STAB2: variants seen among roughly 807,000 people sequenced by gnomAD.
The protein encoded by STAB2 is stabilin-2.
A neutral mutation model predicts 338.1 loss-of-function variants in STAB2; 288 were observed. The observed-to-expected ratio is 0.85, with a 90% CI of 0.77 to 0.94. STAB2 has a LOEUF of 0.94. STAB2 is among the 40% of genes least tolerant of loss of function. The pLI is 0.00. For synonymous variants in STAB2, 1,202 were observed against 1,193.3 expected, an observed-to-expected ratio of 1.01 and a Z score of -0.15; for missense variants, 3,141 against 3,210.1, an observed-to-expected ratio of 0.98 and a Z score of 0.52.
chr12:103,683,991 T>C (rs1196115619), intron 26 of STAB2, among the ~76,000 whole-genome samples: 2 of 152,094 alleles, frequency 1.3e-5, no homozygotes, highest in African/African-American at 2.4e-5. Context: ...AGGCAGGAAG[T>C]ATAGCTAGAC....
chr12:103,614,223 A>G (rs371879195), intron 3 of STAB2, among the ~76,000 whole-genome samples: 13 of 152,206 alleles, frequency 8.5e-5, no homozygotes, highest in African/African-American at 2.9e-4. Flanking sequence ...AAATTCTTGA[A>G]CTTTTTTCTG....
At chr12:103,760,922 A>G (rs1884487038) in intron 65 of STAB2, among the ~76,000 whole-genome samples, 1 of 152,192 alleles carries the variant, frequency 6.6e-6, no homozygotes, top group Non-Finnish European at 1.5e-5. Flanking sequence ...TCACACTGGG[A>G]CATCACTTAA....
chr12:103,731,316 C>A (rs1451067330), intron 49 of STAB2, among the ~76,000 whole-genome samples: 1 of 152,136 alleles, frequency 6.6e-6, no homozygotes. Context: ...AAGCTTTGCA[C>A]AAGTGCTTCT....
Position 103,620,481 on chromosome 12 carries a change from A to C in STAB2, c.345A>C (p.Gly115=). ...TTGATTCCCTAGAGTGCCCAGGTGG[A>C]GCGGGGTCACCCTGCAATGGCAGAG... ...WGPDCIECPG[G]AGSPCNGRGS... Residue 115 remains glycine (G), a synonymous_variant, in exon 4 of 69, where the codon GGA becomes GGC. Transcript: ENST00000388887. The C allele has an allele frequency of 6.3e-7, 1 of 1,583,228 alleles. No individual in the cohort carries two copies. The highest frequency in any genetic ancestry group is 1.7e-4 in the Middle Eastern group (1 of 6,020).
At chr12:103,655,677 G>A in intron 15 of STAB2, 96 bp downstream of exon 15, 1 of 1,482,042 alleles carries the variant, frequency 6.7e-7, no homozygotes, top group Non-Finnish European at 9.1e-7. Flanking sequence ...TAGTAAATAA[G>A]TTGTACATGT....
At chr12:103,620,624 AACAC>A (rs34881989) in intron 4 of STAB2, 71 bp downstream of exon 4, 13,603 of 824,550 alleles carry the variant, frequency 0.016, 122 homozygotes, top group African/African-American at 0.076. Flanking sequence ...ATCCTCCTTA[AACAC>A]ACACACACAC....
chr12:103,688,200 T>C lies in STAB2; in HGVS notation c.3030T>C (p.Phe1010=), dbSNP rs1877605043. The change falls in exon 28 of 69, where the codon TTT becomes TTC. Residue 1010 remains phenylalanine, a synonymous_variant. Coordinates refer to ENST00000388887, the MANE Select transcript of STAB2 (RefSeq NM_017564.10). ...ELSFLSEAAI[F]NRWINNASLQ... ...CATTTCTCTCCGAAGCAGCTATATT[T>C]AACCGATGGATAAATGTGAGTACCT... 6.2e-7 allele frequency: 1 copy of C among 1,613,924 alleles called. No individual in the cohort carries two copies.
At chr12:103,689,741 C>G (rs1345518045) in intron 28 of STAB2, 105 bp from the exon 29 acceptor site, 1 of 1,449,088 alleles carries the variant, frequency 6.9e-7, no homozygotes, top group Non-Finnish European at 9.3e-7. Flanking sequence ...ACCCTAGGAC[C>G]CTTCCAGTAT....
intron 11 of STAB2, among the ~76,000 whole-genome samples, chr12:103,651,515 T>C (rs1873742161): frequency 6.6e-6 from 1 of 152,128 alleles, no homozygotes; most frequent in South Asian, 2.1e-4. Flanking sequence ...GGTTTCATCA[T>C]GTTGACCAGG....
intron 19 of STAB2, among the ~76,000 whole-genome samples, chr12:103,667,202 T>C (rs541410136): frequency 1.3e-5 from 2 of 152,200 alleles, no homozygotes; most frequent in Non-Finnish European, 2.9e-5. Context: ...TAAAATTAAA[T>C]AGATGCAGGT....
rs1369173144 is a variant in STAB2 at position 103,762,287 on chromosome 12, C to T, written c.7373C>T (p.Thr2458Ile). Reference protein sequence around the residue: ...APPAPVTLTHTGLGAGIFFAI... With the variant: ...APPAPVTLTHIGLGAGIFFAI... ...CTTTGTGTTCAGACCTTGACCCACA[C>T]TGGCTTGGGAGCAGGGATCTTCTTT... The change falls in exon 67 of 69, where the codon ACT becomes ATT. Residue 2458 changes from threonine to isoleucine, a missense_variant. Transcript: ENST00000388887. 6.2e-7 allele frequency: 1 copy of T among 1,614,102 alleles called. No homozygotes were observed. Among genetic ancestry groups the T allele is most frequent in the African/African-American group, 1.3e-5 (1 of 74,938 alleles).
intron 22 of STAB2, among the ~76,000 whole-genome samples, chr12:103,673,338 C>CTTT (rs754202508): frequency 6.8e-6 from 1 of 146,212 alleles, no homozygotes; most frequent in Non-Finnish European, 1.5e-5. Context: ...GTTCTTTTTT[C>CTTT]TTTTTTTTTT....
At chr12:103,758,825 GCTC>G (rs1210828118) in intron 64 of STAB2, among the ~76,000 whole-genome samples, 1 of 152,194 alleles carries the variant, frequency 6.6e-6, no homozygotes, top group Non-Finnish European at 1.5e-5. Context: ...CTGACCTGAG[GCTC>G]CGACAGCCCC....
chr12:103,754,108 C>A (rs763837061), intron 61 of STAB2, among the ~76,000 whole-genome samples: 43 of 152,076 alleles, frequency 2.8e-4, no homozygotes, highest in Non-Finnish European at 4.9e-4. Context: ...CTTCTCCAAC[C>A]TCCATCACTA....
At chr12:103,714,517 G>GT (rs748600074) in intron 42 of STAB2, among the ~76,000 whole-genome samples, 1 of 152,084 alleles carries the variant, frequency 6.6e-6, no homozygotes, top group Non-Finnish European at 1.5e-5. Context: ...GGCCAACATG[G>GT]TGAAACCACA....
At chr12:103,650,470 T>G (rs999854744) in intron 10 of STAB2, 26 bp from the exon 11 acceptor site, 1 of 1,609,150 alleles carries the variant, frequency 6.2e-7, no homozygotes, top group Non-Finnish European at 8.5e-7. Flanking sequence ...GGCGTTTTCT[T>G]TCTTTGTGTT....
At chr12:103,711,267 C>T (rs1879829616) in intron 39 of STAB2, 1 of 617,344 alleles carries the variant, frequency 1.6e-6, no homozygotes, top group South Asian at 2.0e-5. Flanking sequence ...ACAGAAGACA[C>T]CATCAATGTA....
At chr12:103,722,351 T>C (rs1880835562) in intron 44 of STAB2, among the ~76,000 whole-genome samples, 1 of 152,156 alleles carries the variant, frequency 6.6e-6, no homozygotes, top group African/African-American at 2.4e-5. Flanking sequence ...CAAAGGATGT[T>C]GAGATGTCAC....
At chr12:103,725,574 G>A (rs1881120151) in intron 45 of STAB2, among the ~76,000 whole-genome samples, 1 of 152,154 alleles carries the variant, frequency 6.6e-6, no homozygotes, top group Non-Finnish European at 1.5e-5. Context: ...ACGTGTTAAT[G>A]TGTGTACACG....
Sources: allele counts gnomAD v4.1 joint callset (sites outside exome capture counted in the v4.1 genomes callset), GRCh38; gene constraint gnomAD v4.1.1; transcripts MANE v1.5; gene names NCBI Gene and HGNC (gene_info 2026-07-23, HGNC 2026-07-21).